Variants in ANXA3 observed in about 807,000 individuals in gnomAD.
The protein encoded by ANXA3 is 35-alpha calcimedin.
In ANXA3, 46 loss-of-function variants were observed where a neutral mutation model predicts 48.8. The ratio of observed to expected loss-of-function variants is 0.94; its 90% confidence interval spans 0.74 to 1.21. The LOEUF (loss-of-function observed/expected upper bound fraction) is 1.21, where lower values mean the gene tolerates loss of function less well. ANXA3 is among the 50% of genes most tolerant of loss of function. The probability of loss-of-function intolerance (pLI) is 0.00; values close to 1 mark genes in which losing one functional copy is unlikely to be tolerated. For missense variants in ANXA3, 383 were observed against 378.6 expected (o/e 1.01, Z -0.10); for synonymous variants, 128 against 134.7 (o/e 0.95, Z 0.35).
chr4:78,589,023 TG>T (rs1418505089), intron 6 of ANXA3, among the ~76,000 whole-genome samples: 2 of 152,212 alleles, frequency 1.3e-5, no homozygotes, highest in East Asian at 3.8e-4. Flanking sequence ...CAAGTGGACC[TG>T]CCCTGTGACA....
At chr4:78,590,021 G>A (rs547314398) in intron 6 of ANXA3, among the ~76,000 whole-genome samples, 6 of 152,272 alleles carry the variant, frequency 3.9e-5, no homozygotes, top group African/African-American at 1.4e-4. Context: ...TAAAGTAGTT[G>A]TCAACTTAGG....
intron 10 of ANXA3, among the ~76,000 whole-genome samples, chr4:78,598,179 C>A (rs1213691420): frequency 6.9e-6 from 1 of 144,666 alleles, no homozygotes; most frequent in Non-Finnish European, 1.5e-5. Context: ...ATTAAAAAAA[C>A]CACACACACA....
At chr4:78,552,881 G>C (rs1485678539) in intron 1 of ANXA3, among the ~76,000 whole-genome samples, 2 of 152,200 alleles carry the variant, frequency 1.3e-5, no homozygotes, top group African/African-American at 4.8e-5. Context: ...CTTGTTCCCA[G>C]AACTCTGTGG....
At chr4:78,555,165 A>G (rs550665831) in intron 2 of ANXA3, among the ~76,000 whole-genome samples, 2 of 152,250 alleles carry the variant, frequency 1.3e-5, no homozygotes, top group Admixed American at 1.3e-4. Flanking sequence ...AGATCATGCC[A>G]CTGCACTCCA....
intron 5 of ANXA3, among the ~76,000 whole-genome samples, chr4:78,583,122 T>A (rs1204131586): frequency 6.6e-6 from 1 of 152,152 alleles, no homozygotes; most frequent in Non-Finnish European, 1.5e-5. Flanking sequence ...GTAGATTGCT[T>A]GAGCTCAGGA....
chr4:78,595,092 G>A (rs1215439720), intron 7 of ANXA3, among the ~76,000 whole-genome samples: 1 of 152,220 alleles, frequency 6.6e-6, no homozygotes, highest in East Asian at 1.9e-4. Flanking sequence ...AGCTATGACT[G>A]CAGGACTACA....
At chr4:78,554,400 T>A (rs1722466863) in intron 1 of ANXA3, 36 bp from the exon 2 acceptor site, 3 of 1,354,972 alleles carry the variant, frequency 2.2e-6, no homozygotes, top group African/African-American at 1.4e-5. Flanking sequence ...CTGAATCACA[T>A]ATTGATACCA....
At chr4:78,606,182 T>G (rs1248866075) in intron 12 of ANXA3, among the ~76,000 whole-genome samples, 2 of 152,212 alleles carry the variant, frequency 1.3e-5, no homozygotes, top group Non-Finnish European at 2.9e-5. Context: ...TCTTTGCTAC[T>G]CCATCTACCC....
chr4:78,591,993 A>G (rs1723307745), intron 7 of ANXA3, among the ~76,000 whole-genome samples: 1 of 152,218 alleles, frequency 6.6e-6, no homozygotes, highest in Non-Finnish European at 1.5e-5. Flanking sequence ...TGAAGAATAA[A>G]TATTTCTTTT....
At chr4:78,564,862 C>A (rs1372892932) in intron 2 of ANXA3, among the ~76,000 whole-genome samples, 2 of 152,164 alleles carry the variant, frequency 1.3e-5, no homozygotes, top group African/African-American at 4.8e-5. Flanking sequence ...TACCTCTCAT[C>A]TGGAGAGAGT....
rs1213731105 is a variant in ANXA3 at position 78,595,540 on chromosome 4, C to CTTTCT, written c.540+106_540+107insCTTTT. On this transcript the variant is annotated intron_variant, in intron 8 of 12. Transcript: ENST00000264908. ...AAAAATAGCAGCAACAGGGACTTTT[C>CTTTCT]TTTTTTTTTTTTTCCTGTTTGAAAG... 178 of 991,934 alleles carry CTTTCT rather than the reference C, an allele frequency of 1.8e-4. No homozygotes were observed. The African/African-American group carries it at 2.2e-3, about 12-fold the overall frequency. The allele number at this position is 991,934 out of a possible 1,614,324, so 61.4% of individuals were successfully genotyped here. A position where few individuals can be genotyped will look rare whatever the true frequency, so the allele number is the denominator to read the frequency against.
chr4:78,609,310 G>A (rs979541804), intron 12 of ANXA3, among the ~76,000 whole-genome samples: 2 of 152,126 alleles, frequency 1.3e-5, no homozygotes, highest in East Asian at 1.9e-4. Flanking sequence ...AAAATAATGT[G>A]AGCATCTTAC....
intron 4 of ANXA3, among the ~76,000 whole-genome samples, chr4:78,581,536 G>T (rs551827645): frequency 6.6e-6 from 1 of 152,208 alleles, no homozygotes; most frequent in South Asian, 2.1e-4. Flanking sequence ...GAGATGATGG[G>T]TATGCAATTA....
chr4:78,578,998 T>C (rs1359363878), intron 3 of ANXA3, 29 bp from the exon 4 acceptor site: 1 of 1,477,482 alleles, frequency 6.8e-7, no homozygotes, highest in Non-Finnish European at 9.4e-7. Context: ...AGCATAAATA[T>C]TGAGTAAAAT....
chr4:78,563,481 G>A lies in ANXA3; in HGVS notation c.15+8993G>A, dbSNP rs1295569212. On this transcript the variant is annotated intron_variant, in intron 2 of 12. Coordinates refer to ENST00000264908, the MANE Select transcript of ANXA3 (RefSeq NM_005139.3). ...GATCTCTGGGGGGTGATTAGGTTAG[G>A]TGGGGATTATTGCCCTTTTAAAAGA... Among the ~76,000 whole-genome samples, 12 of 130,172 alleles carry A rather than the reference G, an allele frequency of 9.2e-5. No individual in the cohort carries two copies. The Admixed American group carries it at 1.0e-3, about 11-fold the overall frequency. 85.4% of individuals were successfully genotyped at this position (130,172 alleles called of 152,430 possible). A position where few individuals can be genotyped will look rare whatever the true frequency, so the allele number is the denominator to read the frequency against.
At position 78,573,188 on chromosome 4, in the gene ANXA3, C is replaced by A. The variant is rs1305626412; in HGVS notation, c.24C>A (p.His8Gln). Reference protein sequence around the residue: MASIWVGHRGTVRDYPDF... With the variant: MASIWVGQRGTVRDYPDF... ...CAAGTATTTCCTTCTAGGTTGGACA[C>A]CGAGGAACAGTAAGAGATTATCCAG... The change falls in exon 3 of 13, where the codon CAC becomes CAA. Residue 8 changes from histidine to glutamine, a missense_variant. Physicochemically the swap from His to Gln is conservative, Grantham distance 24. Transcript: ENST00000264908. The A allele has an allele frequency of 1.2e-6, 2 of 1,612,190 alleles. No individual in the cohort carries two copies. Among genetic ancestry groups the A allele is most frequent in the Non-Finnish European group, 1.7e-6 (2 of 1,178,458 alleles).
intron 3 of ANXA3, among the ~76,000 whole-genome samples, 175 bp from the exon 4 acceptor site, chr4:78,578,852 A>AAAATAAAC (rs1553900272): frequency 1.3e-5 from 2 of 148,742 alleles, no homozygotes; most frequent in African/African-American, 2.5e-5. Flanking sequence ...TCAGGCAAAC[A>AAAATAAAC]AAATAAATAA....
At chr4:78,567,861 T>C (rs1319021102) in intron 2 of ANXA3, among the ~76,000 whole-genome samples, 1 of 152,224 alleles carries the variant, frequency 6.6e-6, no homozygotes, top group African/African-American at 2.4e-5. Flanking sequence ...AGGAAAGATA[T>C]CTCTTGAGTA....
intron 2 of ANXA3, among the ~76,000 whole-genome samples, chr4:78,565,312 G>A (rs1722709249): frequency 6.6e-6 from 1 of 152,166 alleles, no homozygotes; most frequent in African/African-American, 2.4e-5. Flanking sequence ...TCCCTTGGCT[G>A]CTATGTGGGA....
Sources: allele counts gnomAD v4.1 joint callset (sites outside exome capture counted in the v4.1 genomes callset), GRCh38; gene constraint gnomAD v4.1.1; transcripts MANE v1.5; gene names NCBI Gene and HGNC (gene_info 2026-07-23, HGNC 2026-07-21).